The following PPP2R5E variants were observed in gnomAD, a reference collection of about 807,000 sequenced individuals.
PPP2R5E encodes the protein protein phosphatase 2 regulatory subunit B'epsilon, also known as serine/threonine-protein phosphatase 2A 56 kDa regulatory subunit epsilon isoform.
A neutral mutation model predicts 65.3 loss-of-function variants in PPP2R5E; 4 were observed. The observed-to-expected ratio is 0.06, with a 90% CI of 0.03 to 0.14. The LOEUF is 0.14. PPP2R5E is among the 10% of genes least tolerant of loss of function. PPP2R5E has a pLI of 1.00. For missense variants in PPP2R5E, 274 were observed against 556.1 expected (o/e 0.49, Z 5.10); for synonymous variants, 183 against 187.4 (o/e 0.98, Z 0.19).
rs138301949 is a variant in PPP2R5E at position 63,507,425 on chromosome 14, GC to G, written c.157+32103del. Among the ~76,000 whole-genome samples the G allele has an allele frequency of 3.3e-5, 5 of 151,878 alleles. No individual in the cohort carries two copies. In the East Asian group the frequency reaches 9.7e-4, roughly 29 times the overall value. On this transcript the variant is annotated intron_variant, in intron 2 of 13. Coordinates refer to ENST00000337537, the MANE Select transcript of PPP2R5E (RefSeq NM_006246.5). Reference sequence around the variant, plus strand: ...TTTTAGAAGCCATGAGATAAACATGGCACTTCTCCCTTGGTACGATTAACTT... The same window carrying G: ...TTTTAGAAGCCATGAGATAAACATGGACTTCTCCCTTGGTACGATTAACTT...
intron 12 of PPP2R5E, among the ~76,000 whole-genome samples, chr14:63,383,500 G>A (rs190759196): frequency 1.4e-4 from 21 of 152,216 alleles, no homozygotes; most frequent in Admixed American, 1.1e-3. Flanking sequence ...TGCTAGAACC[G>A]TTCTCTAGGT....
At chr14:63,463,741 C>T (rs955304808) in intron 2 of PPP2R5E, among the ~76,000 whole-genome samples, 5 of 151,792 alleles carry the variant, frequency 3.3e-5, no homozygotes, top group South Asian at 2.1e-4. Context: ...GGAATACAGG[C>T]GCCCGCCACC....
intron 2 of PPP2R5E, among the ~76,000 whole-genome samples, chr14:63,505,632 C>G (rs973163146): frequency 2.6e-5 from 4 of 152,184 alleles, no homozygotes; most frequent in Non-Finnish European, 5.9e-5. Context: ...TGCACACACT[C>G]TACAATCTGA....
intron 2 of PPP2R5E, among the ~76,000 whole-genome samples, chr14:63,466,587 A>G (rs1265672655): frequency 1.3e-5 from 2 of 152,250 alleles, no homozygotes; most frequent in African/African-American, 4.8e-5. Context: ...AGTTAAATAC[A>G]AATGTAAGTC....
intron 5 of PPP2R5E, among the ~76,000 whole-genome samples, chr14:63,400,970 T>A (rs1057191791): frequency 1.3e-5 from 2 of 152,212 alleles, no homozygotes; most frequent in African/African-American, 4.8e-5. Flanking sequence ...CTTCCTTGTA[T>A]ACTGTTAATC....
chr14:63,528,904 C>T (rs1451444694), intron 2 of PPP2R5E, among the ~76,000 whole-genome samples: 1 of 152,066 alleles, frequency 6.6e-6, no homozygotes, highest in East Asian at 1.9e-4. Context: ...GATTTCTACA[C>T]AGAAGATCAT....
At chr14:63,410,016 C>T (rs1886312230) in intron 5 of PPP2R5E, among the ~76,000 whole-genome samples, 1 of 152,176 alleles carries the variant, frequency 6.6e-6, no homozygotes, top group Non-Finnish European at 1.5e-5. Flanking sequence ...TCCTAACTTT[C>T]CACTACGTCA....
At chr14:63,436,202 C>T (rs1007788987) in intron 3 of PPP2R5E, among the ~76,000 whole-genome samples, 6 of 152,192 alleles carry the variant, frequency 3.9e-5, no homozygotes, top group African/African-American at 1.4e-4. Flanking sequence ...TAAAACAATA[C>T]CAACATAAGG....
chr14:63,514,613 T>A (rs1277884626), intron 2 of PPP2R5E, among the ~76,000 whole-genome samples: 1 of 152,150 alleles, frequency 6.6e-6, no homozygotes, highest in Non-Finnish European at 1.5e-5. Context: ...CTGTTTTAAA[T>A]ACACAAAGAA....
intron 2 of PPP2R5E, among the ~76,000 whole-genome samples, chr14:63,480,281 A>G (rs1022169988): frequency 6.6e-6 from 1 of 152,068 alleles, no homozygotes; most frequent in Non-Finnish European, 1.5e-5. Flanking sequence ...AACATGGTGA[A>G]ACTCTGTCTC....
intron 2 of PPP2R5E, among the ~76,000 whole-genome samples, chr14:63,492,182 T>C (rs1038645306): frequency 6.6e-5 from 10 of 152,142 alleles, no homozygotes; most frequent in Admixed American, 1.3e-4. Context: ...ACTGATTTTT[T>C]ACATCTTTAT....
chr14:63,415,208 A>C lies in PPP2R5E; in HGVS notation c.481T>G (p.Phe161Val), dbSNP rs1313412531. The change falls in exon 5 of 14, where the codon TTT (phenylalanine) becomes GTT (valine). Residue 161 changes from phenylalanine (F) to valine (V), a missense_variant. Transcript: ENST00000337537. The stretch of plus-strand genomic sequence containing the variant: ...GGTTGGAATTCTTGGCTTTCCAAAA[A>C]TCGTATGAAAAATTCATATACAAGC... The part of the protein sequence containing the change: ...LQLVYEFFIR[F>V]LESQEFQPSI... The C allele has an allele frequency of 3.7e-6, 6 of 1,603,428 alleles. No individual in the cohort carries two copies. The African/African-American group carries it at 4.0e-5, about 11-fold the overall frequency.
intron 3 of PPP2R5E, among the ~76,000 whole-genome samples, chr14:63,430,483 AAAATAAT>A (rs1177476780): frequency 2.5e-4 from 38 of 152,198 alleles, no homozygotes; most frequent in African/African-American, 8.7e-4. Flanking sequence ...TTCTAACATA[AAAATAAT>A]AAATAATAAC....
chr14:63,431,718 C>A (rs1887681783), intron 3 of PPP2R5E, among the ~76,000 whole-genome samples: 1 of 152,134 alleles, frequency 6.6e-6, no homozygotes, highest in Non-Finnish European at 1.5e-5. Context: ...AAGAAACATG[C>A]ACTTGTGACA....
At chr14:63,409,431 T>C (rs1296160175) in intron 5 of PPP2R5E, among the ~76,000 whole-genome samples, 3 of 151,986 alleles carry the variant, frequency 2.0e-5, no homozygotes, top group Admixed American at 2.0e-4. Context: ...AAACTAAAAT[T>C]ATTGGAATCA....
At chr14:63,407,529 T>C (rs1886153807) in intron 5 of PPP2R5E, among the ~76,000 whole-genome samples, 1 of 149,044 alleles carries the variant, frequency 6.7e-6, no homozygotes, top group South Asian at 2.1e-4. Context: ...TTTATTCTTA[T>C]TGATTACAAC....
intron 3 of PPP2R5E, among the ~76,000 whole-genome samples, chr14:63,425,159 A>G (rs541295463): frequency 6.6e-6 from 1 of 152,372 alleles, no homozygotes; most frequent in South Asian, 2.1e-4. Context: ...TCGTTAGCCT[A>G]GATGACAGAA....
At chr14:63,523,832 T>G (rs1893074854) in intron 2 of PPP2R5E, among the ~76,000 whole-genome samples, 1 of 152,112 alleles carries the variant, frequency 6.6e-6, no homozygotes, top group Non-Finnish European at 1.5e-5. Flanking sequence ...GCTATAAATA[T>G]TCTTGCATTC....
chr14:63,394,156 A>T (rs1418236182), intron 7 of PPP2R5E, among the ~76,000 whole-genome samples: 7 of 138,206 alleles, frequency 5.1e-5, no homozygotes, highest in African/African-American at 1.9e-4. Flanking sequence ...ATCTCAGCTC[A>T]CTGCAACCTT....
Sources: allele counts gnomAD v4.1 joint callset (sites outside exome capture counted in the v4.1 genomes callset), GRCh38; gene constraint gnomAD v4.1.1; transcripts MANE v1.5; gene names NCBI Gene and HGNC (gene_info 2026-07-23, HGNC 2026-07-21).